The following RNF213 variants were observed in gnomAD, a reference collection of about 807,000 sequenced individuals.
RNF213 encodes E3 ubiquitin-protein ligase RNF213.
In RNF213, 341 loss-of-function variants were observed where a neutral mutation model predicts 514.4. The observed-to-expected ratio is 0.66, with a 90% confidence interval of 0.61 to 0.73. The LOEUF is 0.73. Ranked by LOEUF, RNF213 falls within the 30% of genes least tolerant of loss-of-function variation. RNF213 has a pLI of 0.00. For synonymous variants in RNF213, 2,655 were observed against 2,658.2 expected (o/e 1.00, Z 0.04); for missense variants, 5,767 against 6,615.6 (o/e 0.87, Z 4.45).
At chr17:80,278,282 G>A (rs977914407) in intron 3 of RNF213, among the ~76,000 whole-genome samples, 1 of 152,214 alleles carries the variant, frequency 6.6e-6, no homozygotes, top group Non-Finnish European at 1.5e-5. Flanking sequence ...GAGCATGCCC[G>A]CTACAGGGCC....
At chr17:80,305,915 G>A (rs1010972401) in intron 11 of RNF213, among the ~76,000 whole-genome samples, 3 of 152,122 alleles carry the variant, frequency 2.0e-5, no homozygotes, top group Non-Finnish European at 2.9e-5. Context: ...CACCACGCCC[G>A]GCCATTAAGT....
Position 80,273,130 on chromosome 17 carries a change from G to A in RNF213, c.98-111G>A, listed in dbSNP as rs1326451398. The A allele has an allele frequency of 4.9e-6, 7 of 1,441,586 alleles. No individual in the cohort carries two copies. The Admixed American group carries it at 1.0e-4, about 21-fold the overall frequency. 89.3% of individuals were successfully genotyped at this position (1,441,586 alleles called of 1,614,324 possible). A position where few individuals can be genotyped will look rare whatever the true frequency, so the allele number is the denominator to read the frequency against. On this transcript the variant is annotated intron_variant, in intron 2 of 67. Transcript: ENST00000582970. ...TTAGCAGGCCCAATGCAGGACCTCG[G>A]AGGGAGAACAGGGTGAATCTCTCCA...
At position 80,278,891 on chromosome 17, in the gene RNF213, C is replaced by T. The variant is rs529986297; in HGVS notation, c.261+5487C>T. The T allele has an allele frequency of 1.9e-3, 2,902 of 1,537,174 alleles. 8 individuals are homozygous for T. The highest frequency in any genetic ancestry group is 2.4e-3 in the Non-Finnish European group (2,696 of 1,146,910). ...GCCCCGCTTGAGGCCGCCAGCGTGC[C>T]TTCTGCAGACTGTGAGCAGGTAGTC... On this transcript the variant is annotated intron_variant, in intron 3 of 67. Coordinates refer to ENST00000582970, the MANE Select transcript of RNF213 (RefSeq NM_001256071.3).
Position 80,386,117 on chromosome 17 carries a change from A to G in RNF213, c.14540-133A>G, listed in dbSNP as rs574649912. ...GCATTTGAAACTCTATCAGCATATG[A>G]GATGGGGCAGAACCGAGACCCGGCT... On this transcript the variant is annotated intron_variant, in intron 61 of 67. Transcript: ENST00000582970. The G allele has an allele frequency of 3.0e-4, 241 of 804,326 alleles. 1 individual carries two copies. The South Asian group carries it at 3.3e-3, about 11-fold the overall frequency. The allele number at this position is 804,326 out of a possible 1,614,324, so 49.8% of individuals were successfully genotyped here. A position where few individuals can be genotyped will look rare whatever the true frequency, so the allele number is the denominator to read the frequency against.
At chr17:80,331,095 G>A (rs1293234551) in intron 20 of RNF213, among the ~76,000 whole-genome samples, 14 of 151,910 alleles carry the variant, frequency 9.2e-5, no homozygotes, top group African/African-American at 2.4e-4. Context: ...CTGGGATTAC[G>A]GGCGTGAGCC....
At chr17:80,349,955 C>T (rs555064482) in intron 30 of RNF213, 49 bp downstream of exon 30, 14 of 1,610,496 alleles carry the variant, frequency 8.7e-6, no homozygotes, top group South Asian at 6.6e-5. Flanking sequence ...CAGCCGCAGC[C>T]GTGTGGCTTC....
At chr17:80,336,061 G>T in intron 22 of RNF213, 100 bp from the exon 23 acceptor site, 2 of 930,636 alleles carry the variant, frequency 2.1e-6, no homozygotes, top group East Asian at 2.8e-5. Context: ...AAAAATTCAT[G>T]AAATATCCAT....
Position 80,351,767 on chromosome 17 carries a change from G to T in RNF213, c.10267G>T (p.Val3423Leu). The T allele has an allele frequency of 6.2e-7, 1 of 1,611,918 alleles. No homozygotes were observed. The highest frequency in any genetic ancestry group is 8.5e-7 in the Non-Finnish European group (1 of 1,177,994). ...FVYFITKLSR[V>L]GRGTAYVGFH... ...CTATTTCATCACAAAACTGTCCCGG[G>T]TGGGAAGAGGAACAGCCTATGTGGG... Residue 3423 changes from valine to leucine, a missense_variant, in exon 32 of 68, where the codon GTG (valine) becomes TTG (leucine). Coordinates refer to ENST00000582970, the MANE Select transcript of RNF213 (RefSeq NM_001256071.3).
At chr17:80,319,140 G>T (rs2046050177) in intron 16 of RNF213, 50 bp from the exon 17 acceptor site, 1 of 1,613,836 alleles carries the variant, frequency 6.2e-7, no homozygotes, top group South Asian at 1.1e-5. Flanking sequence ...ATAGAGCACT[G>T]GAGCGCTGCA....
Position 80,343,379 on chromosome 17 carries a change from A to G in RNF213, c.6183+54A>G, listed in dbSNP as rs2078217818. Reference sequence around the variant, plus strand: ...CCACATCAGTAAAGACGTGGTCCCCATGTCTCTGCGTGACTCCTCCCCGTG... The same window carrying G: ...CCACATCAGTAAAGACGTGGTCCCCGTGTCTCTGCGTGACTCCTCCCCGTG... On this transcript the variant is annotated intron_variant, in intron 27 of 67. Coordinates refer to ENST00000582970, the MANE Select transcript of RNF213 (RefSeq NM_001256071.3). This position sits in a 1 kb window ranked among gnomAD's most constrained non-coding sequence, Gnocchi z 4.3. 1 of 1,488,528 alleles carries G rather than the reference A, an allele frequency of 6.7e-7. No homozygotes were observed. The highest frequency in any genetic ancestry group is 9.3e-7 in the Non-Finnish European group (1 of 1,078,960). The allele number at this position is 1,488,528 out of a possible 1,614,324, so 92.2% of individuals were successfully genotyped here. A position where few individuals can be genotyped will look rare whatever the true frequency, so the allele number is the denominator to read the frequency against.
At chr17:80,388,571 A>G in intron 63 of RNF213, 41 bp from the exon 64 acceptor site, 1 of 1,308,292 alleles carries the variant, frequency 7.6e-7, no homozygotes, top group Non-Finnish European at 1.1e-6. Flanking sequence ...AATGTCCACG[A>G]TGGATTTAAT....
In RNF213 at chr17:80,393,452, T is replaced by G; in HGVS notation, c.15578T>G (p.Val5193Gly). The stretch of plus-strand genomic sequence containing the variant: ...ATACTGCTCGCCAGCTGTGTCTCAG[T>G]GTGGAAAACAGCTGCTGTGCTGAAA... ...EEILLASCVS[V>G]WKTAAVLKWN... Residue 5193 changes from valine (V) to glycine (G), a missense_variant, in exon 68 of 68, where the codon GTG becomes GGG. Val to Gly is a moderately radical substitution (Grantham distance 109). Transcript: ENST00000582970. The G allele has an allele frequency of 6.2e-7, 1 of 1,614,190 alleles. No individual in the cohort carries two copies. The highest frequency in any genetic ancestry group is 8.5e-7 in the Non-Finnish European group (1 of 1,180,016).
chr17:80,340,223 C>G lies in RNF213; in HGVS notation c.5856C>G (p.Pro1952=). ...AFSQHKVFVT[P]QAPLEAIQAY... ...GCCAGCACAAGGTCTTCGTCACCCCCCAGGCACCCCTCGAGGCCATCCAAG... is the reference window on the plus strand; with the variant it reads ...GCCAGCACAAGGTCTTCGTCACCCCGCAGGCACCCCTCGAGGCCATCCAAG... Residue 1952 remains proline, a synonymous_variant, in exon 26 of 68, where the codon CCC becomes CCG. Coordinates refer to ENST00000582970, the MANE Select transcript of RNF213 (RefSeq NM_001256071.3). 1 of 1,614,176 alleles carries G rather than the reference C, an allele frequency of 6.2e-7. No individual in the cohort carries two copies. Among genetic ancestry groups the G allele is most frequent in the Middle Eastern group, 1.6e-4 (1 of 6,062 alleles).
At chr17:80,299,987 A>G (rs1568032826) in intron 11 of RNF213, among the ~76,000 whole-genome samples, 1 of 152,136 alleles carries the variant, frequency 6.6e-6, no homozygotes, top group African/African-American at 2.4e-5. Flanking sequence ...GTTTGATTCC[A>G]TGTCTTTGCT....
Position 80,309,093 on chromosome 17 carries a change from A to G in RNF213, c.2577A>G (p.Thr859=). The G allele has an allele frequency of 6.2e-7, 1 of 1,614,218 alleles. No homozygotes were observed. Residue 859 remains threonine (T), a synonymous_variant, in exon 14 of 68, where the codon ACA becomes ACG. Transcript: ENST00000582970. ...TGCATGAAGCCATCTGCAGCAGCACAAAGCTACTTAAGTTTTACGAGCTGC... is the reference window on the plus strand; with the variant it reads ...TGCATGAAGCCATCTGCAGCAGCACGAAGCTACTTAAGTTTTACGAGCTGC... ...LKLHEAICSS[T]KLLKFYELPA... is the part of the protein sequence containing the mutation.
In RNF213 at chr17:80,380,842, A is replaced by G; in HGVS notation, c.13652A>G (p.Asp4551Gly). 6.2e-7 allele frequency: 1 copy of G among 1,614,220 alleles called. No individual in the cohort carries two copies. Among genetic ancestry groups the G allele is most frequent in the Non-Finnish European group, 8.5e-7 (1 of 1,180,046 alleles). The change falls in exon 56 of 68, where the codon GAC becomes GGC. Residue 4551 changes from aspartate (D) to glycine (G), a missense_variant. Asp to Gly is a moderately conservative substitution (Grantham distance 94). Around this residue, in one of 13 missense-constraint regions of RNF213, gnomAD observed 1,245 missense variants for 1,339.0 expected, o/e 0.93. Transcript: ENST00000582970. ...CTCGTTCTTTCCAGAGACAAGGCAG[A>G]CAGAACGCAGACCGGCCACGTGCTG... ...DGFHLVKDKA[D>G]RTQTGHVLGN... is the part of the protein sequence containing the mutation.
rs576030923 is a variant in RNF213, at chr17:80,373,999, C to A, written c.12943-459C>A. Among the ~76,000 whole-genome samples the A allele has an allele frequency of 2.0e-4, 23 of 113,754 alleles. 1 individual carries two copies. Among genetic ancestry groups the A allele is most frequent in the Admixed American group, 1.8e-3 (19 of 10,442 alleles). The allele number at this position is 113,754 out of a possible 152,430, so 74.6% of individuals were successfully genotyped here. The stretch of plus-strand genomic sequence containing the variant: ...GCGCCTGGGCGATAGAGCGAGACTC[C>A]GTCTCAAAAAAAAAAAAAAAAAAAA... On this transcript the variant is annotated intron_variant, in intron 49 of 67. Transcript: ENST00000582970.
In RNF213 at chr17:80,380,839, C is replaced by T. The variant is rs375246029; in HGVS notation, c.13649C>T (p.Ala4550Val). 2.6e-5 allele frequency: 42 copies of T among 1,614,218 alleles called. No individual in the cohort carries two copies. The African/African-American group carries it at 5.5e-4, about 21-fold the overall frequency. Residue 4550 changes from alanine (A) to valine (V), a missense_variant, in exon 56 of 68, where the codon GCA (alanine) becomes GTA (valine). Ala to Val is a moderately conservative substitution (Grantham distance 64). Transcript: ENST00000582970. The part of the protein sequence containing the change: ...RDGFHLVKDK[A>V]DRTQTGHVLG... ...TCTCTCGTTCTTTCCAGAGACAAGGCAGACAGAACGCAGACCGGCCACGTG... is the reference window on the plus strand; with the variant it reads ...TCTCTCGTTCTTTCCAGAGACAAGGTAGACAGAACGCAGACCGGCCACGTG...
chr17:80,277,909 G>A (rs2044127734), intron 3 of RNF213, among the ~76,000 whole-genome samples: 1 of 152,220 alleles, frequency 6.6e-6, no homozygotes, highest in Admixed American at 6.5e-5. Flanking sequence ...GAGTCAGGTG[G>A]TCAGTCCTCA....
Sources: allele counts gnomAD v4.1 joint callset (sites outside exome capture counted in the v4.1 genomes callset), GRCh38; gene constraint gnomAD v4.1.1; regional missense constraint gnomAD v4.1.1; non-coding constraint Gnocchi (gnomAD v3.1); transcripts MANE v1.5; gene names NCBI Gene and HGNC (gene_info 2026-07-23, HGNC 2026-07-21).